SPRED1: variants seen among roughly 807,000 people sequenced by gnomAD.
SPRED1 encodes the protein sprouty-related, EVH1 domain-containing protein 1.
Under a neutral mutation model 52.3 loss-of-function variants are expected in SPRED1, and 18 were observed. The observed-to-expected ratio is 0.34, with a 90% CI of 0.24 to 0.51. The LOEUF is 0.51. Ranked by LOEUF, SPRED1 falls within the 20% of genes least tolerant of loss-of-function variation. The pLI, the probability that SPRED1 is intolerant of heterozygous loss-of-function variation, is 0.97. For synonymous variants in SPRED1, 155 were observed against 179.7 expected (o/e 0.86, Z 1.10); for missense variants, 485 against 551.0 (o/e 0.88, Z 1.20).
In SPRED1 at chr15:38,352,820, T is replaced by A. The variant is rs1198902640; in HGVS notation, c.*1156T>A. 2 of 152,146 alleles carry A rather than the reference T, an allele frequency of 1.3e-5. No individual in the cohort carries two copies. Among genetic ancestry groups the A allele is most frequent in the Admixed American group, 1.3e-4 (2 of 15,284 alleles). 9.4% of individuals were successfully genotyped at this position (152,146 alleles called of 1,614,324 possible). A position where few individuals can be genotyped will look rare whatever the true frequency, so the allele number is the denominator to read the frequency against. On this transcript the variant is annotated 3_prime_UTR_variant, in exon 7 of 7. Transcript: ENST00000299084. Reference sequence around the variant, plus strand: ...TTATCAGTTACATTTTATTTTTATTTAAACTGGCCAAAAGCAAAATTATTT... The same window carrying A: ...TTATCAGTTACATTTTATTTTTATTAAAACTGGCCAAAAGCAAAATTATTT...
intron 2 of SPRED1, among the ~76,000 whole-genome samples, chr15:38,316,741 A>T (rs1595743662): frequency 3.7e-5 from 2 of 54,172 alleles, no homozygotes; most frequent in Admixed American, 2.4e-4. Flanking sequence ...ACAATTTTCC[A>T]TTATATGTTT....
intron 3 of SPRED1, among the ~76,000 whole-genome samples, chr15:38,322,915 C>A (rs567169009): frequency 1.3e-5 from 2 of 152,138 alleles, no homozygotes; most frequent in Middle Eastern, 3.4e-3. Context: ...TGTTATCTTG[C>A]CAGTCTATTA....
At position 38,299,562 on chromosome 15, in the gene SPRED1, A is replaced by G. The variant is rs377288061; in HGVS notation, c.207+15A>G. ...GGGACAAAATGGTAATGAATAATGT[A>G]TCTAATACTATAATTTTAGATAATG... On this transcript the variant is annotated intron_variant, in intron 2 of 6. Transcript: ENST00000299084. 188 of 1,609,074 alleles carry G rather than the reference A, an allele frequency of 1.2e-4. No individual in the cohort carries two copies. In the African/African-American group the frequency reaches 2.1e-3, roughly 18 times the overall value.
chr15:38,299,504 G>A lies in SPRED1; in HGVS notation c.164G>A (p.Cys55Tyr), dbSNP rs2140978515. Reference protein sequence around the residue: ...FKVPHQEENGCADFFIRGERL... With the variant: ...FKVPHQEENGYADFFIRGERL... ...GTCCCTCATCAGGAAGAGAATGGCT[G>A]TGCTGACTTTTTTATCCGTGGAGAG... is the stretch of plus-strand genomic sequence containing the variant. The change falls in exon 2 of 7, where the codon TGT becomes TAT. Residue 55 changes from cysteine (C) to tyrosine (Y), a missense_variant. This residue lies in a region of SPRED1 where 232 missense variants were observed against 231.8 expected (regional missense o/e 1.00). Coordinates refer to ENST00000299084, the MANE Select transcript of SPRED1 (RefSeq NM_152594.3). The A allele has an allele frequency of 1.2e-6, 2 of 1,614,032 alleles. No homozygotes were observed. The highest frequency in any genetic ancestry group is 4.5e-5 in the East Asian group (2 of 44,866).
chr15:38,311,948 A>C (rs188401330), intron 2 of SPRED1, among the ~76,000 whole-genome samples: 1 of 151,918 alleles, frequency 6.6e-6, no homozygotes, highest in Admixed American at 6.6e-5. Context: ...TCCCTTCTTT[A>C]GTCTCTGGAG....
At chr15:38,327,149 A>G (rs1241175278) in intron 4 of SPRED1, among the ~76,000 whole-genome samples, 1 of 152,190 alleles carries the variant, frequency 6.6e-6, no homozygotes, top group Non-Finnish European at 1.5e-5. Flanking sequence ...ACCTACACCC[A>G]GGAAATTTCA....
At chr15:38,257,230 ATTAT>A (rs10556658) in intron 1 of SPRED1, among the ~76,000 whole-genome samples, 31,311 of 151,898 alleles carry the variant, frequency 0.21, 3,350 homozygotes, top group Middle Eastern at 0.24. Context: ...TAATATTGTG[ATTAT>A]TTACTTATTT....
At chr15:38,318,096 G>A (rs1895526133) in intron 2 of SPRED1, among the ~76,000 whole-genome samples, 1 of 152,064 alleles carries the variant, frequency 6.6e-6, no homozygotes, top group Non-Finnish European at 1.5e-5. Flanking sequence ...CTACAAAGAT[G>A]TTGGGTGATT....
At chr15:38,344,311 T>C (rs1010333290) in intron 5 of SPRED1, among the ~76,000 whole-genome samples, 6 of 152,306 alleles carry the variant, frequency 3.9e-5, no homozygotes, top group Admixed American at 6.5e-5. Context: ...TGTTATGATA[T>C]ACCAGTATTC....
intron 4 of SPRED1, among the ~76,000 whole-genome samples, chr15:38,328,613 C>CT (rs891928014): frequency 6.6e-6 from 1 of 152,160 alleles, no homozygotes; most frequent in African/African-American, 2.4e-5. Context: ...GAGGAAAAGT[C>CT]TTAAAAGTTA....
At chr15:38,299,012 A>T (rs1414596337) in intron 1 of SPRED1, among the ~76,000 whole-genome samples, 1 of 152,202 alleles carries the variant, frequency 6.6e-6, no homozygotes, top group Non-Finnish European at 1.5e-5. Flanking sequence ...TAGCAAATGG[A>T]CATATATAGA....
At chr15:38,292,153 A>G (rs1223986514) in intron 1 of SPRED1, among the ~76,000 whole-genome samples, 1 of 152,166 alleles carries the variant, frequency 6.6e-6, no homozygotes, top group African/African-American at 2.4e-5. Context: ...CAGAGGCAAA[A>G]TGCCACCAGT....
At chr15:38,340,930 A>C (rs1306915176) in intron 5 of SPRED1, among the ~76,000 whole-genome samples, 1 of 150,742 alleles carries the variant, frequency 6.6e-6, no homozygotes, top group East Asian at 1.9e-4. Context: ...GAAGAGTTTA[A>C]GATTGGTAGT....
intron 1 of SPRED1, among the ~76,000 whole-genome samples, chr15:38,280,463 T>C (rs2140964056): frequency 6.6e-6 from 1 of 152,322 alleles, no homozygotes; most frequent in South Asian, 2.1e-4. Flanking sequence ...AAGATAACCT[T>C]ATCTATATCC....
At chr15:38,313,205 C>T (rs1895405012) in intron 2 of SPRED1, among the ~76,000 whole-genome samples, 1 of 151,980 alleles carries the variant, frequency 6.6e-6, no homozygotes, top group South Asian at 2.1e-4. Flanking sequence ...AATCTACAGT[C>T]CCTATTCCAG....
chr15:38,351,813 G>T lies in SPRED1; in HGVS notation c.*149G>T. ...GAAGCAGAACTCATCAGTTCTTGGCGTTTCACGCCATGCCTAACTTTTCCC... is the reference window on the plus strand; with the variant it reads ...GAAGCAGAACTCATCAGTTCTTGGCTTTTCACGCCATGCCTAACTTTTCCC... On this transcript the variant is annotated 3_prime_UTR_variant, in exon 7 of 7. Transcript: ENST00000299084. The T allele has an allele frequency of 1.0e-6, 1 of 983,120 alleles. No individual in the cohort carries two copies. The highest frequency in any genetic ancestry group is 1.5e-5 in the South Asian group (1 of 64,628). 60.9% of individuals were successfully genotyped at this position (983,120 alleles called of 1,614,324 possible).
intron 1 of SPRED1, among the ~76,000 whole-genome samples, chr15:38,269,828 A>G (rs1894392203): frequency 6.6e-6 from 1 of 151,530 alleles, no homozygotes; most frequent in Non-Finnish European, 1.5e-5. Flanking sequence ...TTTAAATTTT[A>G]TTTAATTTAT....
In SPRED1 at chr15:38,253,251, C is replaced by T. The variant is rs377732574; in HGVS notation, c.32+34C>T. The T allele has an allele frequency of 5.1e-6, 8 of 1,557,434 alleles. No homozygotes were observed. The South Asian group carries it at 5.9e-5, about 12-fold the overall frequency. ...CTCATTGATCTCGATTGCTAATCCC[C>T]CTCCCCCTATCCGCCCTCGGCTCTC... On this transcript the variant is annotated intron_variant, in intron 1 of 6. Transcript: ENST00000299084.
At chr15:38,314,943 CTTTTAT>C (rs1895445809) in intron 2 of SPRED1, among the ~76,000 whole-genome samples, 1 of 151,584 alleles carries the variant, frequency 6.6e-6, no homozygotes, top group Non-Finnish European at 1.5e-5. Flanking sequence ...GTTTCTGTTA[CTTTTAT>C]TTTTCAATGT....
Sources: gnomAD v4.1 joint callset for allele counts (sites outside exome capture counted in the v4.1 genomes callset) on GRCh38, gnomAD v4.1.1 for gene constraint, gnomAD v4.1.1 regional missense constraint, MANE v1.5 for transcripts, NCBI Gene and HGNC (gene_info 2026-07-23, HGNC 2026-07-21) for gene names.